The following APP variants were observed in gnomAD, a reference collection of about 807,000 sequenced individuals.
APP encodes the protein amyloid beta precursor protein.
APP carries 31 observed loss-of-function variants against 101.4 expected under a neutral mutation model. The observed-to-expected ratio is 0.31, with a 90% CI of 0.23 to 0.41. The LOEUF (loss-of-function observed/expected upper bound fraction) is 0.41. APP is among the 10% of genes least tolerant of loss of function. The pLI, the probability that APP is intolerant of heterozygous loss-of-function variation, is 1.00. For synonymous variants in APP, 366 were observed against 364.4 expected, an observed-to-expected ratio of 1.00 and a Z score of -0.05; for missense variants, 839 against 1,003.7, an observed-to-expected ratio of 0.84 and a Z score of 2.22.
In APP at chr21:26,000,142, T is replaced by C. The variant is rs1185265792; in HGVS notation, c.906A>G (p.Ala302=). Residue 302 remains alanine, a synonymous_variant, in exon 7 of 18, where the codon GCA becomes GCG. Coordinates refer to ENST00000346798, the MANE Select transcript of APP (RefSeq NM_000484.4). ...SEQAETGPCR[A]MISRWYFDVT... is the part of the protein sequence containing the mutation. ...CATCAAAGTACCAGCGGGAGATCAT[T>C]GCTCGGCACGGCCCCGTCTCGGCTT... is the stretch of plus-strand genomic sequence containing the variant. 1 of 1,614,222 alleles carries C rather than the reference T, an allele frequency of 6.2e-7. No homozygotes were observed. The highest frequency in any genetic ancestry group is 8.5e-7 in the Non-Finnish European group (1 of 1,180,036).
At chr21:26,102,433 G>A (rs972073117) in intron 2 of APP, among the ~76,000 whole-genome samples, 3 of 151,974 alleles carry the variant, frequency 2.0e-5, no homozygotes, top group Non-Finnish European at 4.4e-5. Context: ...CAAAGAAACA[G>A]GACAATAAAA....
chr21:26,167,877 T>C (rs2063651387), intron 1 of APP, among the ~76,000 whole-genome samples: 2 of 152,194 alleles, frequency 1.3e-5, no homozygotes, highest in Non-Finnish European at 2.9e-5. Flanking sequence ...CCAGTTATCA[T>C]GGTTTCTCAT....
At chr21:26,000,289 T>G in intron 6 of APP, 107 bp from the exon 7 acceptor site, 2 of 1,406,502 alleles carry the variant, frequency 1.4e-6, no homozygotes, top group East Asian at 2.4e-5. Flanking sequence ...CAACCTGGAC[T>G]GGTTTATTAG....
intron 2 of APP, among the ~76,000 whole-genome samples, chr21:26,092,713 C>T (rs902904915): frequency 6.6e-6 from 1 of 151,976 alleles, no homozygotes; most frequent in Non-Finnish European, 1.5e-5. Flanking sequence ...GTTGGTTCAT[C>T]GATTGTAACA....
At position 26,030,447 on chromosome 21, in the gene APP, T is replaced by C. The variant is rs181537709; in HGVS notation, c.663-8405A>G. ...AATGTTCTTAGATTTTAGAGACATATACTGACATCTTAAATATGCTTCCTA... is the reference window on the plus strand; with the variant it reads ...AATGTTCTTAGATTTTAGAGACATACACTGACATCTTAAATATGCTTCCTA... On this transcript the variant is annotated intron_variant, in intron 5 of 17. Coordinates refer to ENST00000346798, the MANE Select transcript of APP (RefSeq NM_000484.4). Among the ~76,000 whole-genome samples, 6 of 152,348 alleles carry C rather than the reference T, an allele frequency of 3.9e-5. No homozygotes were observed. The East Asian group carries it at 1.2e-3, about 29-fold the overall frequency.
chr21:26,063,045 T>C (rs973215857), intron 3 of APP, among the ~76,000 whole-genome samples: 2 of 152,192 alleles, frequency 1.3e-5, no homozygotes, highest in Non-Finnish European at 2.9e-5. Context: ...ATTACAGGCA[T>C]GAGCCACTGT....
chr21:25,937,940 T>G (rs985903400), intron 13 of APP: 1 of 152,048 alleles, frequency 6.6e-6, no homozygotes, highest in East Asian at 1.9e-4. Context: ...CAGCTTATTA[T>G]TTTTTTGACT....
intron 13 of APP, among the ~76,000 whole-genome samples, chr21:25,927,599 C>T (rs2067594): frequency 1.2e-3 from 183 of 152,248 alleles, no homozygotes; most frequent in African/African-American, 3.9e-3. Context: ...ATGTCTAAAT[C>T]GGGGTTTATT....
chr21:25,997,897 G>A (rs2043117807), intron 7 of APP, among the ~76,000 whole-genome samples: 2 of 152,048 alleles, frequency 1.3e-5, no homozygotes, highest in Admixed American at 1.3e-4. Flanking sequence ...ATCAGGCATA[G>A]CTAGCCTCAT....
At position 25,986,160 on chromosome 21, in the gene APP, ACTTCCTTTT is replaced by A. The variant is rs573470900; in HGVS notation, c.1091-3692_1091-3684del. ...GCCCTATGTCCTCACCCATCAAGGT[ACTTCCTTTT>A]GGGAAGGGAGTGGGGCTCAAGGAAT... On this transcript the variant is annotated intron_variant, in intron 8 of 17. Transcript: ENST00000346798. Among the ~76,000 whole-genome samples, 38 of 152,308 alleles carry A rather than the reference ACTTCCTTTT, an allele frequency of 2.5e-4. No individual in the cohort carries two copies. In the East Asian group the frequency reaches 6.2e-3, roughly 25 times the overall value.
chr21:25,983,748 T>C (rs954127658), intron 8 of APP, among the ~76,000 whole-genome samples: 1 of 152,174 alleles, frequency 6.6e-6, no homozygotes, highest in African/African-American at 2.4e-5. Flanking sequence ...TGCTTTCAAG[T>C]GGAAGGAAGG....
At chr21:25,953,615 C>T (rs779761993) in intron 13 of APP, among the ~76,000 whole-genome samples, 3 of 152,168 alleles carry the variant, frequency 2.0e-5, no homozygotes, top group Non-Finnish European at 4.4e-5. Context: ...TGGTAGACTA[C>T]ACACTAAATC....
intron 14 of APP, among the ~76,000 whole-genome samples, chr21:25,910,437 T>C (rs372172455): frequency 6.6e-6 from 1 of 152,156 alleles, no homozygotes; most frequent in Non-Finnish European, 1.5e-5. Context: ...GCCTATAAGG[T>C]ATATTATAAA....
chr21:26,167,484 T>C (rs1326807260), intron 1 of APP, among the ~76,000 whole-genome samples: 1 of 152,208 alleles, frequency 6.6e-6, no homozygotes, highest in African/African-American at 2.4e-5. Flanking sequence ...TTCTCACTGA[T>C]AGTTTAGTGG....
In APP at chr21:26,054,645, T is replaced by TTTA. The variant is rs1555858915; in HGVS notation, c.356-1298_356-1297insTAA. ...GTTTTTTTTTTTTTTTTTTTTTTTT[T>TTTA]AAGATAGACTCTATAATTAAGTGAA... On this transcript the variant is annotated intron_variant, in intron 3 of 17. Transcript: ENST00000346798. 4.5e-3 allele frequency among the ~76,000 whole-genome samples: 637 copies of TTTA among 141,046 alleles called. 5 individuals carry two copies. Among genetic ancestry groups the TTTA allele is most frequent in the African/African-American group, 0.016 (598 of 37,906 alleles). 92.5% of individuals were successfully genotyped at this position (141,046 alleles called of 152,430 possible).
intron 1 of APP, among the ~76,000 whole-genome samples, chr21:26,134,186 G>A (rs1022883468): frequency 6.6e-6 from 1 of 152,140 alleles, no homozygotes; most frequent in Non-Finnish European, 1.5e-5. Context: ...ATGTTGCCCA[G>A]GCTCATGACA....
At chr21:25,892,863 C>G (rs150653361) in intron 16 of APP, among the ~76,000 whole-genome samples, 1,560 of 151,984 alleles carry the variant, frequency 0.01, 15 homozygotes, top group Non-Finnish European at 0.016. Flanking sequence ...AAAACTAAAG[C>G]TAAATATTAC....
intron 17 of APP, among the ~76,000 whole-genome samples, chr21:25,882,118 C>T (rs1472797503): frequency 6.6e-6 from 1 of 151,794 alleles, no homozygotes; most frequent in Admixed American, 6.6e-5. Flanking sequence ...ACAGAGTCAA[C>T]GGAAGCCTGT....
At chr21:25,978,749 C>T (rs1050166539) in intron 9 of APP, among the ~76,000 whole-genome samples, 3 of 152,156 alleles carry the variant, frequency 2.0e-5, no homozygotes, top group East Asian at 1.9e-4. Flanking sequence ...GTCAGGAGAT[C>T]GAGACCATCC....
Sources: gnomAD v4.1 joint callset for allele counts (sites outside exome capture counted in the v4.1 genomes callset) on GRCh38, gnomAD v4.1.1 for gene constraint, MANE v1.5 for transcripts, NCBI Gene and HGNC (gene_info 2026-07-23, HGNC 2026-07-21) for gene names.